The following RPTOR variants were observed in gnomAD, a reference collection of about 807,000 sequenced individuals.
RPTOR encodes the protein regulatory-associated protein of mTOR.
RPTOR carries 21 observed loss-of-function variants against 169.9 expected under a neutral mutation model. That is an observed-to-expected ratio of 0.12 (90% CI 0.09 to 0.18). The LOEUF (loss-of-function observed/expected upper bound fraction) is 0.18, where lower values mean the gene tolerates loss of function less well. Ranked by LOEUF, RPTOR falls within the 10% of genes least tolerant of loss-of-function variation. The pLI is 1.00. For missense variants in RPTOR, 1,133 were observed against 1,855.9 expected, an observed-to-expected ratio of 0.61 and a Z score of 7.16; for synonymous variants, 732 against 753.2, an observed-to-expected ratio of 0.97 and a Z score of 0.46.
At chr17:80,941,805 C>T (rs1306100927) in intron 25 of RPTOR, 2 of 152,296 alleles carry the variant, frequency 1.3e-5, no homozygotes, top group African/African-American at 4.8e-5. Flanking sequence ...ATGAGCGCGT[C>T]CTCAGCGAGC....
Position 80,734,203 on chromosome 17 carries a change from G to A in RPTOR, c.654+3497G>A, listed in dbSNP as rs567474985. Among the ~76,000 whole-genome samples the A allele has an allele frequency of 7.9e-5, 12 of 152,040 alleles. No individual in the cohort carries two copies. In the South Asian group the frequency reaches 8.3e-4, roughly 11 times the overall value. On this transcript the variant is annotated intron_variant, in intron 5 of 33. Coordinates refer to ENST00000306801, the MANE Select transcript of RPTOR (RefSeq NM_020761.3). ...CTCTTTTCTTCTTGAATTACCTATCGTTACCACTTCCTCCACTGATAGATC... is the reference window on the plus strand; with the variant it reads ...CTCTTTTCTTCTTGAATTACCTATCATTACCACTTCCTCCACTGATAGATC...
intron 3 of RPTOR, among the ~76,000 whole-genome samples, chr17:80,660,706 C>T (rs970016935): frequency 5.9e-5 from 9 of 152,168 alleles, no homozygotes; most frequent in African/African-American, 1.7e-4. Context: ...TCCCATCCTT[C>T]GCTCAAGCCC....
chr17:80,666,368 G>T (rs1031606281), intron 3 of RPTOR, among the ~76,000 whole-genome samples: 12 of 152,172 alleles, frequency 7.9e-5, no homozygotes, highest in African/African-American at 2.9e-4. Flanking sequence ...GAGACTAGAA[G>T]AAGTGCTAGG....
At chr17:80,592,083 G>A (rs1050825342) in intron 1 of RPTOR, among the ~76,000 whole-genome samples, 5 of 152,148 alleles carry the variant, frequency 3.3e-5, no homozygotes, top group African/African-American at 1.2e-4. Flanking sequence ...TTCCCTCCCA[G>A]TGCAGCTTTG....
intron 5 of RPTOR, 130 bp from the exon 6 acceptor site, chr17:80,753,880 G>GGCGTCTCCA (rs2066654586): frequency 9.4e-6 from 8 of 854,626 alleles, no homozygotes; most frequent in Non-Finnish European, 1.3e-5. Context: ...TCTCTCCAGA[G>GGCGTCTCCA]GACTTTCCAG....
Position 80,730,771 on chromosome 17 carries a change from TG to T in RPTOR, c.654+68del. On this transcript the variant is annotated intron_variant, in intron 5 of 33. Transcript: ENST00000306801. This position sits in a 1 kb window ranked among gnomAD's most constrained non-coding sequence, Gnocchi z 4.2. The stretch of plus-strand genomic sequence containing the variant: ...TTTTGTTTTCCCTGGGGGTGGGGTT[TG>T]GGTGGGGAGGTTGGGAGGTGTTGGA... 1 of 479,858 alleles carries T rather than the reference TG, an allele frequency of 2.1e-6. No individual in the cohort carries two copies. Among genetic ancestry groups the T allele is most frequent in the Admixed American group, 2.2e-5 (1 of 45,024 alleles). The allele number at this position is 479,858 out of a possible 1,614,324, so 29.7% of individuals were successfully genotyped here.
In RPTOR at chr17:80,836,074, G is replaced by A. The variant is rs182325720; in HGVS notation, c.1137-1848G>A. ...AAACGGATCCTAGAGAGAGAGCCAC[G>A]CGCCCAGAGCCCCAGAGCCACACGC... On this transcript the variant is annotated intron_variant, in intron 9 of 33. Coordinates refer to ENST00000306801, the MANE Select transcript of RPTOR (RefSeq NM_020761.3). Among the ~76,000 whole-genome samples the A allele has an allele frequency of 6.7e-4, 102 of 152,212 alleles. 1 individual carries two copies. Among genetic ancestry groups the A allele is most frequent in the Non-Finnish European group, 1.3e-3 (87 of 68,020 alleles).
intron 28 of RPTOR, among the ~76,000 whole-genome samples, chr17:80,951,846 C>T (rs1395409148): frequency 6.6e-6 from 1 of 152,220 alleles, no homozygotes; most frequent in African/African-American, 2.4e-5. Context: ...CTGTCCTACC[C>T]GGGTACGTCG....
intron 16 of RPTOR, among the ~76,000 whole-genome samples, chr17:80,884,442 T>C (rs778307496): frequency 3.9e-5 from 6 of 152,190 alleles, no homozygotes; most frequent in Admixed American, 1.3e-4. Flanking sequence ...CCCACCGGCC[T>C]GTGCAGTGCA....
At position 80,793,504 on chromosome 17, in the gene RPTOR, C is replaced by T. The variant is rs115726044; in HGVS notation, c.890+1995C>T. 8.3e-3 allele frequency among the ~76,000 whole-genome samples: 1,266 copies of T among 152,254 alleles called. 20 individuals are homozygous for T. The highest frequency in any genetic ancestry group is 0.029 in the African/African-American group (1,189 of 41,542). On this transcript the variant is annotated intron_variant, in intron 7 of 33. Transcript: ENST00000306801. ...GTTTCCTCTGGAGGTGGGAGGGCCG[C>T]AGTATCCTTTCTCCTCCGCCTGGTA...
intron 21 of RPTOR, among the ~76,000 whole-genome samples, chr17:80,912,471 G>A (rs1364253056): frequency 3.3e-5 from 5 of 152,186 alleles, no homozygotes; most frequent in African/African-American, 7.2e-5. Flanking sequence ...AAATTAGCCT[G>A]AATTATTTTA....
At chr17:80,680,223 C>T (rs527379924) in intron 3 of RPTOR, among the ~76,000 whole-genome samples, 1 of 152,366 alleles carries the variant, frequency 6.6e-6, no homozygotes, top group Non-Finnish European at 1.5e-5. Context: ...TGTCTCACCT[C>T]AGCCCCATCT....
At chr17:80,569,004 A>G (rs1286364270) in intron 1 of RPTOR, among the ~76,000 whole-genome samples, 2 of 152,126 alleles carry the variant, frequency 1.3e-5, no homozygotes, top group Non-Finnish European at 2.9e-5. Context: ...TGTATTTCAA[A>G]ATTTCAGATG....
intron 15 of RPTOR, 101 bp downstream of exon 15, chr17:80,883,585 T>C: frequency 7.7e-7 from 1 of 1,293,736 alleles, no homozygotes; most frequent in Non-Finnish European, 1.1e-6. Flanking sequence ...ACAGGGGGTG[T>C]CCAGCAGAGG....
chr17:80,940,697 A>G (rs2069014467), intron 25 of RPTOR, 96 bp downstream of exon 25: 2 of 983,044 alleles, frequency 2.0e-6, no homozygotes, highest in East Asian at 2.6e-5. Context: ...CCCACGCACA[A>G]CCTTCTCCAG....
chr17:80,885,091 C>T lies in RPTOR; in HGVS notation c.1926C>T (p.His642=), dbSNP rs1401601623. 1.9e-6 allele frequency: 3 copies of T among 1,594,120 alleles called. No homozygotes were observed. The South Asian group carries it at 3.4e-5, about 18-fold the overall frequency. The change falls in exon 17 of 34, where the codon CAC becomes CAT. Residue 642 remains histidine, a synonymous_variant. Transcript: ENST00000306801. ...ERTDHSTTID[H]NVAMMLAQLV... ...CGGACCACTCCACCACCATCGACCACAACGTGGCCATGATGCTGGCCCAGC... is the reference window on the plus strand; with the variant it reads ...CGGACCACTCCACCACCATCGACCATAACGTGGCCATGATGCTGGCCCAGC...
chr17:80,548,398 T>G (rs1314844293), intron 1 of RPTOR, among the ~76,000 whole-genome samples: 1 of 100,862 alleles, frequency 9.9e-6, no homozygotes, highest in African/African-American at 3.2e-5. Flanking sequence ...TTTTTTTTTT[T>G]GAGATGGAGT....
At chr17:80,828,719 C>T (rs566800201) in intron 9 of RPTOR, among the ~76,000 whole-genome samples, 94 of 152,282 alleles carry the variant, frequency 6.2e-4, no homozygotes, top group Admixed American at 2.9e-3. Context: ...AACCAAGCAA[C>T]GGGACTAATG....
intron 17 of RPTOR, among the ~76,000 whole-genome samples, chr17:80,891,015 G>C (rs887351682): frequency 6.6e-6 from 1 of 151,586 alleles, no homozygotes; most frequent in African/African-American, 2.4e-5. Flanking sequence ...AAAAGTTGTC[G>C]TAGGGAAAAA....
Sources: allele counts gnomAD v4.1 joint callset (sites outside exome capture counted in the v4.1 genomes callset), GRCh38; gene constraint gnomAD v4.1.1; non-coding constraint Gnocchi (gnomAD v3.1); transcripts MANE v1.5; gene names NCBI Gene and HGNC (gene_info 2026-07-23, HGNC 2026-07-21).